The following GABRB2 variants were observed in gnomAD, a reference collection of about 807,000 sequenced individuals.
GABRB2 encodes gamma-aminobutyric acid type A receptor subunit beta2.
Under a neutral mutation model 54.7 loss-of-function variants are expected in GABRB2, and 16 were observed. The observed-to-expected ratio is 0.29, with a 90% CI of 0.20 to 0.44. The LOEUF (loss-of-function observed/expected upper bound fraction) is 0.44, where lower values mean the gene tolerates loss of function less well. Among genes scored for constraint, GABRB2 ranks in the 20% least tolerant of loss-of-function variants. The pLI is 1.00. For missense variants in GABRB2, 355 were observed against 644.0 expected (o/e 0.55, Z 4.86); for synonymous variants, 244 against 233.8 (o/e 1.04, Z -0.40).
chr5:161,359,399 G>A (rs1754735536), intron 5 of GABRB2, among the ~76,000 whole-genome samples: 1 of 150,806 alleles, frequency 6.6e-6, no homozygotes, highest in African/African-American at 2.4e-5. Context: ...TTTTAGCTAA[G>A]TTTGAAATGT....
intron 9 of GABRB2, among the ~76,000 whole-genome samples, chr5:161,304,533 G>A (rs914350609): frequency 6.6e-6 from 1 of 152,126 alleles, no homozygotes; most frequent in African/African-American, 2.4e-5. Flanking sequence ...TTCTTGAGGA[G>A]CCTGCTTAAT....
At chr5:161,511,876 C>T (rs913759040) in intron 3 of GABRB2, among the ~76,000 whole-genome samples, 2 of 151,974 alleles carry the variant, frequency 1.3e-5, no homozygotes, top group African/African-American at 4.8e-5. Context: ...CTCACTTTAA[C>T]TTGATTTCCT....
intron 4 of GABRB2, among the ~76,000 whole-genome samples, chr5:161,411,739 CTTTA>C (rs1160371017): frequency 3.3e-5 from 5 of 151,830 alleles, no homozygotes; most frequent in African/African-American, 9.7e-5. Context: ...TTCAATTTGT[CTTTA>C]TATTTGTCAT....
At position 161,336,654 on chromosome 5, in the gene GABRB2, G is replaced by C. The variant is rs1339995965; in HGVS notation, c.657C>G (p.Thr219=). 3 of 1,612,828 alleles carry C rather than the reference G, an allele frequency of 1.9e-6. No homozygotes were observed. In the East Asian group the frequency reaches 6.7e-5, roughly 36 times the overall value. The change falls in exon 6 of 10, where the codon ACC becomes ACG. Residue 219 remains threonine (T), a synonymous_variant. Transcript: ENST00000393959. ...AACCTGTGGAAAAAACAACCTTCTT[G>C]GTGATAAGTTTGTAATCTACAATAG... is the stretch of plus-strand genomic sequence containing the variant. ...QFSIVDYKLI[T]KKVVFSTGSY...
chr5:161,335,788 GT>G, intron 6 of GABRB2, among the ~76,000 whole-genome samples: 1 of 152,198 alleles, frequency 6.6e-6, no homozygotes, highest in Non-Finnish European at 1.5e-5. Flanking sequence ...TCTGTTTGTC[GT>G]TGTTGTTTTA....
intron 3 of GABRB2, among the ~76,000 whole-genome samples, chr5:161,519,719 T>C (rs1488059340): frequency 2.6e-5 from 4 of 152,070 alleles, no homozygotes; most frequent in African/African-American, 7.2e-5. Flanking sequence ...CACATTTTTG[T>C]AGGAAACTAA....
At chr5:161,424,425 A>C (rs1756938852) in intron 4 of GABRB2, among the ~76,000 whole-genome samples, 1 of 152,104 alleles carries the variant, frequency 6.6e-6, no homozygotes, top group South Asian at 2.1e-4. Context: ...GGGCTCACTT[A>C]CCATTCCCAA....
intron 4 of GABRB2, among the ~76,000 whole-genome samples, chr5:161,412,212 G>A (rs186936820): frequency 2.6e-5 from 4 of 152,292 alleles, no homozygotes; most frequent in East Asian, 1.9e-4. Flanking sequence ...TCAGGTGTGG[G>A]AGTCTCACTC....
chr5:161,509,738 T>A (rs551977674), intron 3 of GABRB2, among the ~76,000 whole-genome samples: 4 of 152,030 alleles, frequency 2.6e-5, no homozygotes, highest in Non-Finnish European at 5.9e-5. Flanking sequence ...AGTGGCTCCA[T>A]ACAACCAGCA....
upstream of GABRB2, chr5:161,547,014 G>GGT (rs977288516): frequency 4.3e-5 from 9 of 210,190 alleles, no homozygotes; most frequent in East Asian, 3.7e-4. Context: ...GTGGGTTTTT[G>GGT]GTGTGTGTGT....
chr5:161,396,176 G>T (rs1040920351), intron 5 of GABRB2, among the ~76,000 whole-genome samples: 4 of 152,106 alleles, frequency 2.6e-5, no homozygotes, highest in African/African-American at 9.7e-5. Context: ...CAGAAACGAG[G>T]CCTAGAAAAA....
chr5:161,468,823 C>T (rs561939617), intron 3 of GABRB2, among the ~76,000 whole-genome samples: 1 of 151,886 alleles, frequency 6.6e-6, no homozygotes, highest in East Asian at 1.9e-4. Flanking sequence ...AAAAAACTTA[C>T]TGTTATATTA....
At chr5:161,462,704 C>T (rs527910685) in intron 3 of GABRB2, among the ~76,000 whole-genome samples, 2 of 152,258 alleles carry the variant, frequency 1.3e-5, no homozygotes, top group Middle Eastern at 3.4e-3. Flanking sequence ...CAAGGCAGTG[C>T]CTGCTAAAAA....
At chr5:161,327,806 C>A (rs1410903399) in intron 8 of GABRB2, among the ~76,000 whole-genome samples, 1 of 151,920 alleles carries the variant, frequency 6.6e-6, no homozygotes, top group Non-Finnish European at 1.5e-5. Flanking sequence ...CTGATTTTCC[C>A]AGAGCAGCCA....
intron 5 of GABRB2, among the ~76,000 whole-genome samples, chr5:161,408,524 T>C (rs919203018): frequency 1.3e-5 from 2 of 152,070 alleles, no homozygotes; most frequent in African/African-American, 4.8e-5. Context: ...AATGAACAAT[T>C]AGCTCAATCC....
intron 3 of GABRB2, among the ~76,000 whole-genome samples, chr5:161,475,252 A>G (rs1758560618): frequency 6.6e-6 from 1 of 151,984 alleles, no homozygotes; most frequent in African/African-American, 2.4e-5. Flanking sequence ...CCCAAGACAC[A>G]CAATTACATA....
intron 3 of GABRB2, among the ~76,000 whole-genome samples, chr5:161,470,498 C>T (rs896353521): frequency 4.0e-5 from 6 of 151,880 alleles, no homozygotes; most frequent in African/African-American, 1.5e-4. Context: ...TTCTCTTGAG[C>T]TGTATGGCTA....
chr5:161,501,405 ATT>A (rs2113378811), intron 3 of GABRB2, among the ~76,000 whole-genome samples: 1 of 152,194 alleles, frequency 6.6e-6, no homozygotes, highest in Admixed American at 6.5e-5. Flanking sequence ...TCCATTATCT[ATT>A]TTATATAGCA....
chr5:161,294,408 G>A lies in GABRB2; in HGVS notation c.1212C>T (p.Ile404=), dbSNP rs770274870. 1 of 1,613,180 alleles carries A rather than the reference G, an allele frequency of 6.2e-7. No homozygotes were observed. Among genetic ancestry groups the A allele is most frequent in the Non-Finnish European group, 8.5e-7 (1 of 1,179,318 alleles). ...SLYTMDPHEN[I]LLSTLEIKNE... ...TTTTTATCTCGAGAGTGCTCAGTAA[G>A]ATGTTCTCATGGGGGTCCATCTGCA... is the stretch of plus-strand genomic sequence containing the variant. Residue 404 remains isoleucine (I), a synonymous_variant, in exon 10 of 10, where the codon ATC becomes ATT. Transcript: ENST00000393959.
Sources: allele counts gnomAD v4.1 joint callset (sites outside exome capture counted in the v4.1 genomes callset), GRCh38; gene constraint gnomAD v4.1.1; transcripts MANE v1.5; gene names NCBI Gene and HGNC (gene_info 2026-07-23, HGNC 2026-07-21).